Variants in FAM117A observed in about 807,000 individuals in gnomAD.
FAM117A encodes family with sequence similarity 117 member A, also known as protein FAM117A.
In FAM117A, 21 loss-of-function variants were observed where a neutral mutation model predicts 44.1. The observed-to-expected ratio is 0.48, with a 90% CI of 0.34 to 0.69. The LOEUF (loss-of-function observed/expected upper bound fraction) is 0.69. Ranked by LOEUF, FAM117A falls within the 30% of genes least tolerant of loss-of-function variation. The probability of loss-of-function intolerance (pLI) is 0.01; values close to 1 mark genes in which losing one functional copy is unlikely to be tolerated. For missense variants in FAM117A, 498 were observed against 589.9 expected (o/e 0.84, Z 1.61); for synonymous variants, 220 against 238.3 (o/e 0.92, Z 0.71).
At chr17:49,724,286 C>T (rs919114511) in intron 2 of FAM117A, 5 of 451,596 alleles carry the variant, frequency 1.1e-5, no homozygotes, top group African/African-American at 4.0e-5. Flanking sequence ...CCGCACCCCC[C>T]ACACAAACCT....
At chr17:49,767,776 T>C (rs1278312886), upstream of FAM117A, among the ~76,000 whole-genome samples, 1 of 152,052 alleles carries the variant, frequency 6.6e-6, no homozygotes, top group Non-Finnish European at 1.5e-5. Context: ...TGGTGGCAGG[T>C]GCCTGTAATC....
At position 49,780,974 on chromosome 17, in the gene FAM117A, G is replaced by A. The variant is rs1251548269; in HGVS notation, c.-621+7523C>T. Among the ~76,000 whole-genome samples, 5 of 152,250 alleles carry A rather than the reference G, an allele frequency of 3.3e-5. No homozygotes were observed. The South Asian group carries it at 8.3e-4, about 25-fold the overall frequency. The stretch of plus-strand genomic sequence containing the variant: ...GACTCCCAGGTAGCTGAGATTATAG[G>A]TGCCCACCACCATGCCCGGCTAATT... On this transcript the variant is annotated intron_variant, in intron 1 of 7. Coordinates refer to the FAM117A transcript ENST00000513602.
intron 1 of FAM117A, among the ~76,000 whole-genome samples, chr17:49,758,985 T>C (rs2073711358): frequency 6.6e-6 from 1 of 152,262 alleles, no homozygotes. Flanking sequence ...AGTGTTCTCT[T>C]GGCTATTAAA....
chr17:49,778,594 G>C (rs906597676), intron 1 of FAM117A, among the ~76,000 whole-genome samples: 1 of 152,186 alleles, frequency 6.6e-6, no homozygotes, highest in East Asian at 1.9e-4. Context: ...AGAATTAGGC[G>C]CTATATTTCA....
At position 49,732,562 on chromosome 17, in the gene FAM117A, T is replaced by C; in HGVS notation, c.355A>G (p.Lys119Glu). The change falls in exon 2 of 8, where the codon AAG becomes GAG. Residue 119 changes from lysine (K) to glutamate (E), a missense_variant. By Grantham distance (56) the Lys-to-Glu change is moderately conservative. Around this residue, in one of 3 missense-constraint regions of FAM117A, gnomAD observed 270 missense variants for 277.4 expected, o/e 0.97. Transcript: ENST00000240364. ...DGAFTCCTND[K>E]ATQTPLSWQE... The stretch of plus-strand genomic sequence containing the variant: ...GAGAGCTTCATTACCTGGGTGGCCT[T>C]GTCATTGGTGCAGCAGGTGAAGGCC... 1 of 1,614,070 alleles carries C rather than the reference T, an allele frequency of 6.2e-7. No individual in the cohort carries two copies. Among genetic ancestry groups the C allele is most frequent in the Non-Finnish European group, 8.5e-7 (1 of 1,179,996 alleles).
chr17:49,776,705 G>A (rs1351000835), intron 1 of FAM117A, among the ~76,000 whole-genome samples: 1 of 152,198 alleles, frequency 6.6e-6, no homozygotes, highest in Non-Finnish European at 1.5e-5. Flanking sequence ...GAAACCAGAA[G>A]ATTAAAGGAG....
chr17:49,738,173 TCAATGAATC>T (rs1299961552), intron 1 of FAM117A, among the ~76,000 whole-genome samples: 9 of 152,180 alleles, frequency 5.9e-5, no homozygotes, highest in African/African-American at 2.2e-4. Flanking sequence ...CCTACCCTAT[TCAATGAATC>T]CAATCTCTAG....
At chr17:49,724,894 T>C (rs2073553082) in intron 2 of FAM117A, among the ~76,000 whole-genome samples, 1 of 150,580 alleles carries the variant, frequency 6.6e-6, no homozygotes, top group South Asian at 2.1e-4. Flanking sequence ...GTGAAAATCA[T>C]AGCAGCTAGG....
chr17:49,786,541 C>T (rs1341182367), intron 1 of FAM117A, among the ~76,000 whole-genome samples: 6 of 152,146 alleles, frequency 3.9e-5, no homozygotes, highest in African/African-American at 1.4e-4. Context: ...CTTTGGGAGG[C>T]TGAGGCGGGT....
chr17:49,768,280 G>A (rs922299327), upstream of FAM117A, among the ~76,000 whole-genome samples: 3 of 152,130 alleles, frequency 2.0e-5, no homozygotes, highest in Admixed American at 6.5e-5. Context: ...GAAGGACCTC[G>A]CTGGGCCTAC....
At chr17:49,716,609 C>T (rs2073504795) in intron 6 of FAM117A, among the ~76,000 whole-genome samples, 1 of 152,186 alleles carries the variant, frequency 6.6e-6, no homozygotes, top group South Asian at 2.1e-4. Context: ...AGATCTCAGA[C>T]TTGAAGGAAT....
At chr17:49,718,475 T>C (rs530877992) in intron 5 of FAM117A, among the ~76,000 whole-genome samples, 71 of 151,846 alleles carry the variant, frequency 4.7e-4, no homozygotes, top group African/African-American at 1.7e-3. Context: ...GAGACCATTC[T>C]GGCTAACAAA....
chr17:49,739,277 G>A (rs1045327707), intron 1 of FAM117A, among the ~76,000 whole-genome samples: 2 of 152,204 alleles, frequency 1.3e-5, no homozygotes, highest in African/African-American at 4.8e-5. Context: ...TGCAGAGTAA[G>A]CCCTAGCCCC....
chr17:49,778,360 T>C (rs113312839), intron 1 of FAM117A, among the ~76,000 whole-genome samples: 3,125 of 152,164 alleles, frequency 0.021, 52 homozygotes, highest in Middle Eastern at 0.12. Flanking sequence ...CTCTGGAGAA[T>C]CCACAGTCTG....
chr17:49,775,144 T>C (rs2073772176), intron 1 of FAM117A, among the ~76,000 whole-genome samples: 1 of 152,136 alleles, frequency 6.6e-6, no homozygotes, highest in Admixed American at 6.5e-5. Context: ...TGTGCCACCA[T>C]GCCCGGCTAA....
chr17:49,711,412 G>A lies in FAM117A; in HGVS notation c.1205C>T (p.Pro402Leu), dbSNP rs1377784163. The change falls in exon 8 of 8, where the codon CCC (proline) becomes CTC (leucine). Residue 402 changes from proline to leucine, a missense_variant. This residue lies in a region of FAM117A where 224 missense variants were observed against 296.5 expected (regional missense o/e 0.76). Coordinates refer to ENST00000240364, the MANE Select transcript of FAM117A (RefSeq NM_030802.4). ...GGGAAGGGGAGATCCCGGGTTTGAG[G>A]GGCAGTTACGGAAGATGAAGCCCAT... is the stretch of plus-strand genomic sequence containing the variant. ...PGMGFIFRNC[P>L]SNPGSPLPPA... 1.2e-6 allele frequency: 2 copies of A among 1,613,586 alleles called. No individual in the cohort carries two copies. The highest frequency in any genetic ancestry group is 1.7e-6 in the Non-Finnish European group (2 of 1,179,852).
At chr17:49,721,462 A>G (rs2073533829) in intron 3 of FAM117A, among the ~76,000 whole-genome samples, 1 of 152,232 alleles carries the variant, frequency 6.6e-6, no homozygotes, top group Admixed American at 6.5e-5. Flanking sequence ...CTTAGTGTGA[A>G]TAACTTGCTT....
At chr17:49,765,367 C>T (rs534432832), upstream of FAM117A, among the ~76,000 whole-genome samples, 1 of 151,982 alleles carries the variant, frequency 6.6e-6, no homozygotes, top group African/African-American at 2.4e-5. Flanking sequence ...CTGTTTTTGC[C>T]CAGTTTAATG....
chr17:49,781,439 T>G (rs945104484), intron 1 of FAM117A, among the ~76,000 whole-genome samples: 5 of 152,070 alleles, frequency 3.3e-5, no homozygotes, highest in Non-Finnish European at 5.9e-5. Flanking sequence ...CTGTAAATTG[T>G]GAAAGTCTTT....
Sources: gnomAD v4.1 joint callset for allele counts (sites outside exome capture counted in the v4.1 genomes callset) on GRCh38, gnomAD v4.1.1 for gene constraint, gnomAD v4.1.1 regional missense constraint, MANE v1.5 for transcripts, NCBI Gene and HGNC (gene_info 2026-07-23, HGNC 2026-07-21) for gene names.